Variants in ASIC2 observed in about 807,000 individuals in gnomAD.
ASIC2 encodes acid sensing ion channel subunit 2, also known as acid-sensing ion channel 2.
Under a neutral mutation model 57.3 loss-of-function variants are expected in ASIC2, and 25 were observed. The observed-to-expected ratio is 0.44, with a 90% CI of 0.32 to 0.61. The LOEUF is 0.61. Among genes scored for constraint, ASIC2 ranks in the 20% least tolerant of loss-of-function variants. ASIC2 has a pLI of 0.06. For synonymous variants in ASIC2, 319 were observed against 307.5 expected (o/e 1.04, Z -0.39); for missense variants, 641 against 738.1 (o/e 0.87, Z 1.52).
intron 1 of ASIC2, among the ~76,000 whole-genome samples, chr17:33,337,482 A>G (rs1021089888): frequency 2.7e-5 from 4 of 149,366 alleles, no homozygotes; most frequent in Admixed American, 1.3e-4. Context: ...AAGCCCTGTG[A>G]CCTGGTGCCA....
At chr17:33,199,934 G>A (rs1480702001) in intron 1 of ASIC2, among the ~76,000 whole-genome samples, 6 of 152,076 alleles carry the variant, frequency 3.9e-5, no homozygotes, top group South Asian at 2.1e-4. Flanking sequence ...GCCTCCTTGC[G>A]TTCCCTATCC....
chr17:34,154,343 G>C (rs958700692), intron 1 of ASIC2, among the ~76,000 whole-genome samples: 1 of 152,204 alleles, frequency 6.6e-6, no homozygotes, highest in Non-Finnish European at 1.5e-5. Flanking sequence ...GATCCTGTTT[G>C]CTGCATTTAG....
chr17:34,099,207 A>G (rs1291395743), intron 1 of ASIC2, among the ~76,000 whole-genome samples: 2 of 131,402 alleles, frequency 1.5e-5, no homozygotes, highest in African/African-American at 6.7e-5. Context: ...AAAGAAAGAA[A>G]GAAAGGAAAG....
At chr17:33,779,823 G>A (rs947426457) in intron 1 of ASIC2, among the ~76,000 whole-genome samples, 3 of 152,158 alleles carry the variant, frequency 2.0e-5, no homozygotes, top group Non-Finnish European at 2.9e-5. Flanking sequence ...TTTAATCTTC[G>A]CACAACCCTA....
At chr17:33,908,185 C>G (rs1915390998) in intron 1 of ASIC2, among the ~76,000 whole-genome samples, 1 of 152,240 alleles carries the variant, frequency 6.6e-6, no homozygotes, top group South Asian at 2.1e-4. Flanking sequence ...GACACGGACC[C>G]CATGGTCACG....
chr17:34,100,184 G>GT (rs35700595), intron 1 of ASIC2, among the ~76,000 whole-genome samples: 87,499 of 130,536 alleles, frequency 0.67, 29,307 homozygotes, highest in East Asian at 0.82. Flanking sequence ...TCTCTTTCTT[G>GT]TTTTTTTTTT....
chr17:33,103,837 A>G (rs1174194224), intron 2 of ASIC2, among the ~76,000 whole-genome samples: 1 of 152,098 alleles, frequency 6.6e-6, no homozygotes, highest in Admixed American at 6.5e-5. Flanking sequence ...GATCTCTCCA[A>G]GTCCCGAGTT....
intron 1 of ASIC2, among the ~76,000 whole-genome samples, chr17:33,889,283 T>A (rs948661326): frequency 6.6e-6 from 1 of 152,130 alleles, no homozygotes; most frequent in African/African-American, 2.4e-5. Context: ...AGGAAATGAC[T>A]TCCCTAAAGT....
chr17:33,616,211 GA>G (rs1905596452), intron 1 of ASIC2, among the ~76,000 whole-genome samples: 2 of 121,678 alleles, frequency 1.6e-5, no homozygotes, highest in African/African-American at 6.1e-5. Context: ...CTGGGTCCAA[GA>G]AATCAAGTCT....
In ASIC2 at chr17:33,656,207, T is replaced by C. The variant is rs149972388; in HGVS notation, c.555+499771A>G. ...ACAAACAAACCAGAAATGACTTAAA[T>C]CTTCAACAATAAGATAAAGGTTAAG... On this transcript the variant is annotated intron_variant, in intron 1 of 9. Coordinates refer to the ASIC2 transcript ENST00000359872. 4.0e-3 allele frequency among the ~76,000 whole-genome samples: 614 copies of C among 151,862 alleles called. 7 individuals are homozygous for C. The highest frequency in any genetic ancestry group is 0.014 in the African/African-American group (587 of 41,366).
chr17:33,875,872 C>G (rs1914532962), intron 1 of ASIC2, among the ~76,000 whole-genome samples: 2 of 151,770 alleles, frequency 1.3e-5, no homozygotes, highest in Admixed American at 6.6e-5. Context: ...TTTTGTAATA[C>G]CACTCAATGG....
chr17:33,085,833 A>G (rs1446993503), intron 3 of ASIC2, among the ~76,000 whole-genome samples: 1 of 152,082 alleles, frequency 6.6e-6, no homozygotes, highest in Admixed American at 6.5e-5. Context: ...TAGCTCTGGG[A>G]TGTGTTTTTG....
chr17:33,956,563 C>T (rs1904741525), intron 1 of ASIC2, among the ~76,000 whole-genome samples: 1 of 152,180 alleles, frequency 6.6e-6, no homozygotes, highest in Non-Finnish European at 1.5e-5. Flanking sequence ...AGCCTACCTA[C>T]CTCTTACTAA....
At chr17:33,440,064 A>AT (rs1026957409) in intron 1 of ASIC2, among the ~76,000 whole-genome samples, 1 of 152,170 alleles carries the variant, frequency 6.6e-6, no homozygotes, top group African/African-American at 2.4e-5. Flanking sequence ...CAGTTCAATG[A>AT]TTTTTGCATA....
chr17:33,849,349 G>A (rs1913701873), intron 1 of ASIC2, among the ~76,000 whole-genome samples: 1 of 152,182 alleles, frequency 6.6e-6, no homozygotes, highest in African/African-American at 2.4e-5. Context: ...TCTTAACTGA[G>A]CCTCACCAGG....
At chr17:33,165,781 A>G (rs1271324486) in intron 1 of ASIC2, among the ~76,000 whole-genome samples, 1 of 152,130 alleles carries the variant, frequency 6.6e-6, no homozygotes, top group East Asian at 1.9e-4. Flanking sequence ...AAAAAGGTAA[A>G]TGGTAATGGA....
intron 1 of ASIC2, among the ~76,000 whole-genome samples, chr17:33,329,860 C>A (rs904845260): frequency 1.3e-5 from 2 of 152,120 alleles, no homozygotes; most frequent in African/African-American, 4.8e-5. Context: ...GTCATTGGAT[C>A]TGTTCTTTTC....
chr17:33,434,860 CA>C (rs1179298060), intron 1 of ASIC2, among the ~76,000 whole-genome samples: 1 of 152,150 alleles, frequency 6.6e-6, no homozygotes, highest in Non-Finnish European at 1.5e-5. Context: ...AATACAACTA[CA>C]AAAGTTCAGA....
intron 1 of ASIC2, among the ~76,000 whole-genome samples, chr17:34,113,612 T>G (rs1400303557): frequency 6.6e-6 from 1 of 150,826 alleles, no homozygotes; most frequent in African/African-American, 2.4e-5. Context: ...GCGTGGTGAC[T>G]CATGCCTATA....
Sources: allele counts gnomAD v4.1 joint callset (sites outside exome capture counted in the v4.1 genomes callset), GRCh38; gene constraint gnomAD v4.1.1; transcripts MANE v1.5; gene names NCBI Gene and HGNC (gene_info 2026-07-23, HGNC 2026-07-21).